The following PCDH15 variants were observed in gnomAD, a reference collection of about 807,000 sequenced individuals.
PCDH15 encodes the protein protocadherin-15.
PCDH15 carries 129 observed loss-of-function variants against 178.5 expected under a neutral mutation model. That is an observed-to-expected ratio of 0.72 (90% CI 0.63 to 0.84). The LOEUF is 0.84. Among genes scored for constraint, PCDH15 ranks in the 40% least tolerant of loss-of-function variants. PCDH15 has a pLI of 0.00. For synonymous variants in PCDH15, 800 were observed against 732.0 expected (o/e 1.09, Z -1.50); for missense variants, 2,230 against 2,099.9 (o/e 1.06, Z -1.21).
intron 2 of PCDH15, among the ~76,000 whole-genome samples, chr10:55,005,635 A>G (rs1839910539): frequency 6.6e-6 from 1 of 151,740 alleles, no homozygotes; most frequent in Non-Finnish European, 1.5e-5. Flanking sequence ...TGACTTCCAC[A>G]TTTTTTTCCC....
At chr10:53,859,069 G>T (rs931900392) in intron 27 of PCDH15, among the ~76,000 whole-genome samples, 7 of 143,702 alleles carry the variant, frequency 4.9e-5, no homozygotes, top group African/African-American at 1.0e-4. Flanking sequence ...GGCCAGAAAC[G>T]GTTAAAAAAA....
intron 8 of PCDH15, among the ~76,000 whole-genome samples, chr10:54,303,813 A>G (rs1186593307): frequency 6.6e-6 from 1 of 152,138 alleles, no homozygotes; most frequent in Non-Finnish European, 1.5e-5. Flanking sequence ...TTTGAACCCA[A>G]TGCATGCATG....
At chr10:55,615,787 C>T (rs916112481) in intron 2 of PCDH15, among the ~76,000 whole-genome samples, 1 of 152,086 alleles carries the variant, frequency 6.6e-6, no homozygotes, top group Non-Finnish European at 1.5e-5. Context: ...CTCATATGAA[C>T]CTAAGCTGAT....
chr10:55,119,625 C>T (rs979148451), intron 2 of PCDH15, among the ~76,000 whole-genome samples: 2 of 152,156 alleles, frequency 1.3e-5, no homozygotes, highest in Non-Finnish European at 1.5e-5. Context: ...CTGACCCTAG[C>T]AAGTTTCTGC....
At chr10:55,179,828 C>T (rs542082963) in intron 1 of PCDH15, among the ~76,000 whole-genome samples, 1 of 151,962 alleles carries the variant, frequency 6.6e-6, no homozygotes, top group South Asian at 2.1e-4. Flanking sequence ...ACTTGCTGAA[C>T]AATGGGAGAG....
intron 16 of PCDH15, among the ~76,000 whole-genome samples, chr10:54,085,242 A>T (rs2094497471): frequency 6.6e-6 from 1 of 152,138 alleles, no homozygotes; most frequent in African/African-American, 2.4e-5. Context: ...TAATGTCAAA[A>T]CAAATTAATC....
At chr10:55,123,131 A>C (rs1355832100) in intron 2 of PCDH15, among the ~76,000 whole-genome samples, 1 of 152,044 alleles carries the variant, frequency 6.6e-6, no homozygotes, top group African/African-American at 2.4e-5. Flanking sequence ...TTTTAAAGAT[A>C]AATATGAAAC....
intron 3 of PCDH15, among the ~76,000 whole-genome samples, chr10:54,880,058 A>G (rs1184319211): frequency 6.6e-6 from 1 of 152,184 alleles, no homozygotes; most frequent in Non-Finnish European, 1.5e-5. Context: ...GTTTAGAACA[A>G]ATTAAAATCC....
intron 5 of PCDH15, among the ~76,000 whole-genome samples, chr10:54,366,784 G>A (rs542526123): frequency 6.6e-6 from 1 of 150,834 alleles, no homozygotes; most frequent in East Asian, 2.0e-4. Context: ...TGACCATCAA[G>A]TACACACATT....
At chr10:54,270,775 G>T (rs1295292454) in intron 8 of PCDH15, among the ~76,000 whole-genome samples, 1 of 152,058 alleles carries the variant, frequency 6.6e-6, no homozygotes, top group Non-Finnish European at 1.5e-5. Context: ...AAAGTTACCT[G>T]GTGACTACTT....
At chr10:54,739,091 A>G (rs1944463993) in intron 1 of PCDH15, among the ~76,000 whole-genome samples, 1 of 152,038 alleles carries the variant, frequency 6.6e-6, no homozygotes, top group South Asian at 2.1e-4. Flanking sequence ...GTGAATAAAG[A>G]ACATTGTAAA....
intron 2 of PCDH15, among the ~76,000 whole-genome samples, chr10:55,500,714 A>G (rs544355322): frequency 6.6e-6 from 1 of 151,810 alleles, no homozygotes; most frequent in Admixed American, 6.6e-5. Flanking sequence ...TATTTCTGAC[A>G]TCTTTGGGCA....
At chr10:54,013,067 T>A (rs7894067) in intron 20 of PCDH15, among the ~76,000 whole-genome samples, 3,221 of 151,886 alleles carry the variant, frequency 0.021, 113 homozygotes, top group African/African-American at 0.072. Context: ...TGGAGAAAAG[T>A]CCACCAAGAA....
chr10:53,842,612 T>G (rs1275005440), intron 28 of PCDH15, among the ~76,000 whole-genome samples: 1 of 152,110 alleles, frequency 6.6e-6, no homozygotes, highest in Non-Finnish European at 1.5e-5. Context: ...TTCGGTGAAA[T>G]AAAGCTTTTA....
rs115002093 is a variant in PCDH15 at position 54,834,685 on chromosome 10, T to C, written c.-29+62765A>G. 7.0e-3 allele frequency among the ~76,000 whole-genome samples: 1,066 copies of C among 152,308 alleles called. 13 individuals carry two copies. Among genetic ancestry groups the C allele is most frequent in the African/African-American group, 0.024 (998 of 41,570 alleles). ...ATATTGAAACAAACACTCTATACTA[T>C]AGATTTTATGTTCATTTAAGATGTC... On this transcript the variant is annotated intron_variant, in intron 3 of 5. Coordinates refer to the PCDH15 transcript ENST00000458638.
chr10:54,748,378 G>A (rs1314198537), intron 1 of PCDH15, among the ~76,000 whole-genome samples: 1 of 151,976 alleles, frequency 6.6e-6, no homozygotes, highest in Admixed American at 6.6e-5. Context: ...AATATTTAAT[G>A]AGACCAAGGT....
chr10:54,639,478 A>G (rs562559894), intron 2 of PCDH15, among the ~76,000 whole-genome samples: 2 of 152,244 alleles, frequency 1.3e-5, no homozygotes, highest in East Asian at 3.9e-4. Flanking sequence ...TTGAGAGAAA[A>G]CTACATTCTA....
At chr10:53,885,962 G>A (rs188502991) in intron 26 of PCDH15, among the ~76,000 whole-genome samples, 1 of 152,272 alleles carries the variant, frequency 6.6e-6, no homozygotes, top group African/African-American at 2.4e-5. Flanking sequence ...TGGAAAGAGA[G>A]GCCCAGTATT....
intron 2 of PCDH15, among the ~76,000 whole-genome samples, chr10:54,647,545 A>C (rs1032110495): frequency 1.3e-5 from 2 of 152,126 alleles, no homozygotes; most frequent in Non-Finnish European, 1.5e-5. Flanking sequence ...AAAATAAAAA[A>C]AGGATTTGGC....
Sources: gnomAD v4.1 joint callset for allele counts (sites outside exome capture counted in the v4.1 genomes callset) on GRCh38, gnomAD v4.1.1 for gene constraint, MANE v1.5 for transcripts, NCBI Gene and HGNC (gene_info 2026-07-23, HGNC 2026-07-21) for gene names.